The following TXLNB variants were observed in gnomAD, a reference collection of about 807,000 sequenced individuals.
TXLNB encodes the protein beta-taxilin.
In TXLNB, 37 loss-of-function variants were observed where a neutral mutation model predicts 57.4. The observed-to-expected ratio is 0.64, with a 90% CI of 0.50 to 0.85. The LOEUF (loss-of-function observed/expected upper bound fraction) is 0.85. Ranked by LOEUF, TXLNB falls within the 40% of genes least tolerant of loss-of-function variation. The pLI is 0.00. For missense variants in TXLNB, 848 were observed against 825.6 expected (o/e 1.03, Z -0.33); for synonymous variants, 302 against 309.6 (o/e 0.98, Z 0.26).
At chr6:139,162,318 C>T in the TXLNB span, among the ~76,000 whole-genome samples, 1 of 152,160 alleles carries the variant, frequency 6.6e-6, no homozygotes, top group Non-Finnish European at 1.5e-5. Context: ...AGGAAGTTTA[C>T]TAGATGCCAG....
At chr6:139,287,402 C>T (rs1246870013) in intron 2 of TXLNB, 1 of 152,136 alleles carries the variant, frequency 6.6e-6, no homozygotes, top group Non-Finnish European at 1.5e-5. Context: ...ATATTCTACT[C>T]CAGTTTGTGA....
chr6:139,267,332 AATG>A (rs1776641097), intron 4 of TXLNB, among the ~76,000 whole-genome samples: 1 of 152,204 alleles, frequency 6.6e-6, no homozygotes, highest in Non-Finnish European at 1.5e-5. Context: ...TAATACATAT[AATG>A]ATGATAGCTT....
the TXLNB span, among the ~76,000 whole-genome samples, chr6:139,233,815 G>A: frequency 1.8e-4 from 27 of 152,266 alleles, no homozygotes; most frequent in African/African-American, 6.3e-4. Context: ...GCTGCTATAA[G>A]GATACACAAA....
intron 7 of TXLNB, among the ~76,000 whole-genome samples, chr6:139,249,748 A>G (rs1000632291): frequency 3.3e-5 from 5 of 152,190 alleles, no homozygotes; most frequent in African/African-American, 1.2e-4. Context: ...AATAACATAA[A>G]TCATTTCGGT....
chr6:139,275,725 G>A (rs1776878731), intron 3 of TXLNB, among the ~76,000 whole-genome samples: 1 of 152,190 alleles, frequency 6.6e-6, no homozygotes, highest in Non-Finnish European at 1.5e-5. Context: ...TTACTAAAGT[G>A]TGCTCCATCA....
intron 7 of TXLNB, among the ~76,000 whole-genome samples, chr6:139,251,078 C>A (rs990671919): frequency 1.3e-5 from 2 of 152,216 alleles, no homozygotes; most frequent in Non-Finnish European, 2.9e-5. Flanking sequence ...AGAAGACAGA[C>A]ACACCCAGAG....
chr6:139,268,151 CA>C (rs59647726), intron 4 of TXLNB, among the ~76,000 whole-genome samples: 7,016 of 64,504 alleles, frequency 0.11, 80 homozygotes, highest in Middle Eastern at 0.19. Flanking sequence ...CTCCATCTCA[CA>C]AAAAAAAAAA....
At chr6:139,215,603 A>G in the TXLNB span, among the ~76,000 whole-genome samples, 5 of 152,234 alleles carry the variant, frequency 3.3e-5, no homozygotes, top group Admixed American at 6.5e-5. Flanking sequence ...AAGCAATGGC[A>G]ACAAAAGCCA....
At chr6:139,167,724 G>C in the TXLNB span, among the ~76,000 whole-genome samples, 1 of 152,150 alleles carries the variant, frequency 6.6e-6, no homozygotes, top group Non-Finnish European at 1.5e-5. Context: ...GTCAGAAAAG[G>C]GCCAAGGTAT....
chr6:139,314,618 A>G, the TXLNB span, among the ~76,000 whole-genome samples: 1 of 152,220 alleles, frequency 6.6e-6, no homozygotes. Context: ...GGCCTTGGTC[A>G]CTTAGATTTG....
intron 7 of TXLNB, among the ~76,000 whole-genome samples, chr6:139,248,857 C>T (rs1472408968): frequency 1.3e-5 from 2 of 152,214 alleles, no homozygotes; most frequent in Non-Finnish European, 2.9e-5. Context: ...GGGCTGGACA[C>T]GGACAAGGGC....
At chr6:139,164,233 C>G in the TXLNB span, among the ~76,000 whole-genome samples, 1 of 152,210 alleles carries the variant, frequency 6.6e-6, no homozygotes, top group African/African-American at 2.4e-5. Context: ...GAGCAGAACT[C>G]TGAGCCTGGG....
chr6:139,283,783 C>A (rs1398210540), intron 2 of TXLNB, among the ~76,000 whole-genome samples: 1 of 145,186 alleles, frequency 6.9e-6, no homozygotes, highest in Non-Finnish European at 1.5e-5. Context: ...AGTAGAGAGT[C>A]AAAACATTTT....
the TXLNB span, among the ~76,000 whole-genome samples, chr6:139,303,857 CTT>C: frequency 4.3e-4 from 57 of 131,176 alleles, no homozygotes; most frequent in Admixed American, 9.2e-4. Context: ...AGTTCCTGGT[CTT>C]TTTTTTTTTT....
chr6:139,280,251 T>TAAAAAAAAAAA (rs11313271), intron 2 of TXLNB, among the ~76,000 whole-genome samples: 4 of 78,206 alleles, frequency 5.1e-5, no homozygotes, highest in Non-Finnish European at 1.0e-4. Context: ...ACTCTCTCTC[T>TAAAAAAAAAAA]AAAAAAAAAA....
At chr6:139,202,165 A>G in the TXLNB span, among the ~76,000 whole-genome samples, 12 of 152,336 alleles carry the variant, frequency 7.9e-5, no homozygotes, top group Non-Finnish European at 1.6e-4. Flanking sequence ...GGCATAGATC[A>G]TATCCATGTA....
At chr6:139,163,012 C>T in the TXLNB span, among the ~76,000 whole-genome samples, 8 of 152,234 alleles carry the variant, frequency 5.3e-5, no homozygotes, top group Non-Finnish European at 1.0e-4. Context: ...TTTCACCTCA[C>T]TGTCTACCTC....
At chr6:139,276,106 T>C (rs1776888213) in intron 3 of TXLNB, among the ~76,000 whole-genome samples, 2 of 152,234 alleles carry the variant, frequency 1.3e-5, no homozygotes, top group South Asian at 4.1e-4. Flanking sequence ...AACTTAAATA[T>C]GCCCCATATA....
At chr6:139,236,660 G>C (rs1045087372), downstream of TXLNB, among the ~76,000 whole-genome samples, 2 of 152,114 alleles carry the variant, frequency 1.3e-5, no homozygotes, top group African/African-American at 4.8e-5. Context: ...TCAGTCTTGT[G>C]TATTTCTTCA....
Sources: allele counts gnomAD v4.1 joint callset (sites outside exome capture counted in the v4.1 genomes callset), GRCh38; gene constraint gnomAD v4.1.1; transcripts MANE v1.5; gene names NCBI Gene and HGNC (gene_info 2026-07-23, HGNC 2026-07-21).